ZNF385D: variants seen among roughly 807,000 people sequenced by gnomAD.
The protein encoded by ZNF385D is zinc finger protein 385D.
ZNF385D carries 15 observed loss-of-function variants against 35.8 expected under a neutral mutation model. That is an observed-to-expected ratio of 0.42 (90% CI 0.28 to 0.64). ZNF385D has a LOEUF of 0.64. Among genes scored for constraint, ZNF385D ranks in the 30% least tolerant of loss-of-function variants. ZNF385D has a pLI of 0.23. For missense variants in ZNF385D, 474 were observed against 494.6 expected (o/e 0.96, Z 0.39); for synonymous variants, 212 against 186.8 (o/e 1.13, Z -1.10).
chr3:21,864,139 G>C (rs1679227), intron 3 of ZNF385D, among the ~76,000 whole-genome samples: 69,136 of 151,900 alleles, frequency 0.46, 16,216 homozygotes, highest in African/African-American at 0.55. Flanking sequence ...CATACACAAA[G>C]GGTTCATTTT....
chr3:22,299,232 A>C (rs1702766310), intron 2 of ZNF385D, among the ~76,000 whole-genome samples: 1 of 151,938 alleles, frequency 6.6e-6, no homozygotes, highest in African/African-American at 2.4e-5. Context: ...TAAGATTATA[A>C]TTTATATAAT....
intron 2 of ZNF385D, among the ~76,000 whole-genome samples, chr3:22,236,000 A>G (rs910804215): frequency 6.6e-6 from 1 of 152,176 alleles, no homozygotes; most frequent in Non-Finnish European, 1.5e-5. Flanking sequence ...CACAAAATGC[A>G]CAAGATACAG....
chr3:21,957,468 A>G (rs1702352761), intron 3 of ZNF385D, among the ~76,000 whole-genome samples: 1 of 152,116 alleles, frequency 6.6e-6, no homozygotes. Context: ...AGCAATATGA[A>G]CAATAAGGTC....
chr3:22,015,865 A>T (rs1696855968), intron 3 of ZNF385D, among the ~76,000 whole-genome samples: 2 of 152,136 alleles, frequency 1.3e-5, no homozygotes, highest in African/African-American at 4.8e-5. Context: ...CCAGGGCTGC[A>T]TCTGCAAGAT....
At chr3:22,265,382 A>T (rs969367306) in intron 2 of ZNF385D, among the ~76,000 whole-genome samples, 1 of 152,004 alleles carries the variant, frequency 6.6e-6, no homozygotes, top group Non-Finnish European at 1.5e-5. Flanking sequence ...ATTACAAAAA[A>T]TTTTTGTGAA....
intron 2 of ZNF385D, among the ~76,000 whole-genome samples, chr3:21,652,272 T>C (rs1422365689): frequency 1.3e-5 from 2 of 152,248 alleles, no homozygotes; most frequent in East Asian, 3.9e-4. Flanking sequence ...TATATAGTTC[T>C]ACTATAAGGC....
intron 3 of ZNF385D, among the ~76,000 whole-genome samples, chr3:22,164,737 C>T (rs1193255811): frequency 6.6e-6 from 1 of 151,564 alleles, no homozygotes; most frequent in African/African-American, 2.4e-5. Context: ...TGATAATCAT[C>T]AGAAAAGTAT....
chr3:22,139,048 C>A (rs952221562), intron 3 of ZNF385D, among the ~76,000 whole-genome samples: 4 of 152,078 alleles, frequency 2.6e-5, no homozygotes, highest in African/African-American at 9.7e-5. Flanking sequence ...ATTTATGCGG[C>A]CAACAGACAC....
At chr3:22,258,192 T>C (rs1251540783) in intron 2 of ZNF385D, among the ~76,000 whole-genome samples, 2 of 150,526 alleles carry the variant, frequency 1.3e-5, no homozygotes. Flanking sequence ...CCCAAAAAGT[T>C]AATTAGAGTA....
intron 3 of ZNF385D, among the ~76,000 whole-genome samples, chr3:22,039,404 T>G (rs1698530243): frequency 6.6e-6 from 1 of 152,104 alleles, no homozygotes; most frequent in South Asian, 2.1e-4. Flanking sequence ...TCTCAACTAG[T>G]ACATGGTAAA....
chr3:22,097,699 T>C (rs1559366623), intron 3 of ZNF385D, among the ~76,000 whole-genome samples: 2 of 152,028 alleles, frequency 1.3e-5, no homozygotes, highest in Non-Finnish European at 2.9e-5. Flanking sequence ...GAATCATTCC[T>C]GAGAGGATGA....
chr3:21,981,473 T>C (rs1694446768), intron 3 of ZNF385D, among the ~76,000 whole-genome samples: 1 of 152,198 alleles, frequency 6.6e-6, no homozygotes, highest in Non-Finnish European at 1.5e-5. Flanking sequence ...TACACCTTTG[T>C]CAGATGCATA....
At chr3:21,851,390 T>C (rs755460864) in intron 3 of ZNF385D, among the ~76,000 whole-genome samples, 22 of 152,018 alleles carry the variant, frequency 1.4e-4, no homozygotes, top group Admixed American at 1.3e-4. Flanking sequence ...ACACTCAATA[T>C]ATGTCCAGCA....
chr3:21,651,038 G>C (rs1451316916), intron 2 of ZNF385D, among the ~76,000 whole-genome samples: 3 of 151,892 alleles, frequency 2.0e-5, no homozygotes. Flanking sequence ...CCAGCACTTT[G>C]GGAGGCTGAG....
In ZNF385D at chr3:21,795,423, G is replaced by A. The variant is rs560240417; in HGVS notation, c.326-130395C>T. 2.1e-4 allele frequency among the ~76,000 whole-genome samples: 32 copies of A among 152,352 alleles called. No individual in the cohort carries two copies. The East Asian group carries it at 4.1e-3, about 19-fold the overall frequency. ...GAGGGCGGGGCACATAGCCATTAGC[G>A]TCTGCTCCACTTTGGTGGAATGGTA... On this transcript the variant is annotated intron_variant, in intron 3 of 5. Coordinates refer to the ZNF385D transcript ENST00000494108.
At chr3:21,765,738 G>GAGAGAA (rs1559600740) in intron 3 of ZNF385D, among the ~76,000 whole-genome samples, 8 of 135,412 alleles carry the variant, frequency 5.9e-5, no homozygotes, top group Non-Finnish European at 1.3e-4. Flanking sequence ...GAGAAAGAGA[G>GAGAGAA]AGAGACAGAG....
chr3:22,301,087 A>G (rs1702875618), intron 2 of ZNF385D, among the ~76,000 whole-genome samples: 1 of 152,068 alleles, frequency 6.6e-6, no homozygotes, highest in Admixed American at 6.6e-5. Flanking sequence ...ACACAGTGTA[A>G]TATTATGCAG....
intron 1 of ZNF385D, among the ~76,000 whole-genome samples, chr3:21,698,289 C>G (rs897744838): frequency 2.0e-5 from 3 of 152,052 alleles, no homozygotes; most frequent in Admixed American, 1.3e-4. Flanking sequence ...AAAATCATAT[C>G]TTTTACAGCA....
chr3:22,071,373 AAG>A (rs920183681), intron 3 of ZNF385D, among the ~76,000 whole-genome samples: 4 of 152,100 alleles, frequency 2.6e-5, no homozygotes, highest in Non-Finnish European at 4.4e-5. Context: ...CAAAGCAAGA[AAG>A]AGATTTTTCC....
Sources: gnomAD v4.1 joint callset for allele counts (sites outside exome capture counted in the v4.1 genomes callset) on GRCh38, gnomAD v4.1.1 for gene constraint, MANE v1.5 for transcripts, NCBI Gene and HGNC (gene_info 2026-07-23, HGNC 2026-07-21) for gene names.